Variants in GBP2 observed in about 807,000 individuals in gnomAD.
GBP2 encodes guanylate-binding protein 2.
A neutral mutation model predicts 60.8 loss-of-function variants in GBP2; 54 were observed. That is an observed-to-expected ratio of 0.89 (90% CI 0.71 to 1.11). The LOEUF (loss-of-function observed/expected upper bound fraction) is 1.11. GBP2 is among the 50% of genes most tolerant of loss of function. The probability of loss-of-function intolerance (pLI) is 0.00; values close to 1 mark genes in which losing one functional copy is unlikely to be tolerated. For synonymous variants in GBP2, 243 were observed against 256.5 expected (o/e 0.95, Z 0.50); for missense variants, 665 against 703.3 (o/e 0.95, Z 0.62).
Position 89,121,868 on chromosome 1 carries a change from T to G in GBP2, c.99A>C (p.Ala33=). The change falls in exon 2 of 11, where the codon GCA becomes GCC. Residue 33 remains alanine (A), a synonymous_variant. Transcript: ENST00000370466. ...CCACCACCACCACAGGCTGCGTAAT[T>G]GCAGATAGGATCTTCAGAGCTTCTG... The part of the protein sequence containing the change: ...VNPEALKILS[A]ITQPVVVVAI... 3 of 1,614,118 alleles carry G rather than the reference T, an allele frequency of 1.9e-6. No homozygotes were observed. In the South Asian group the frequency reaches 3.3e-5, roughly 18 times the overall value.
At position 89,106,471 on chromosome 1, in the gene GBP2, G is replaced by A. The variant is rs1316708496; in HGVS notation, c.*1704C>T. ...TGTTAAAAACTAAGAATAACTTAAAGAATATTAACAAAGTGCATGACATGA... is the reference window on the plus strand; with the variant it reads ...TGTTAAAAACTAAGAATAACTTAAAAAATATTAACAAAGTGCATGACATGA... On this transcript the variant is annotated 3_prime_UTR_variant, in exon 11 of 11. Transcript: ENST00000370466. The A allele has an allele frequency of 6.6e-6, 1 of 152,098 alleles. No homozygotes were observed. Among genetic ancestry groups the A allele is most frequent in the Non-Finnish European group, 1.5e-5 (1 of 68,006 alleles). The allele number at this position is 152,098 out of a possible 1,614,324, so 9.4% of individuals were successfully genotyped here.
At position 89,120,201 on chromosome 1, in the gene GBP2, G is replaced by A; in HGVS notation, c.406C>T (p.Gln136Ter). The A allele has an allele frequency of 6.2e-7, 1 of 1,613,938 alleles. No individual in the cohort carries two copies. The highest frequency in any genetic ancestry group is 8.5e-7 in the Non-Finnish European group (1 of 1,179,806). Reference sequence around the variant, plus strand: ...TACTGAAGTTGGTCCATGGCCTGCTGGTTGATGGTTCCCATGCTATTGTAC... The same window carrying A: ...TACTGAAGTTGGTCCATGGCCTGCTAGTTGATGGTTCCCATGCTATTGTAC... ...FVYNSMGTIN[Q>*]QAMDQLHYVT... is the part of the protein sequence containing the mutation. Residue 136 changes from glutamine (Q) to a stop codon, truncating the protein, a stop_gained, in exon 4 of 11, where the codon CAG becomes TAG. Coordinates refer to ENST00000370466, the MANE Select transcript of GBP2 (RefSeq NM_004120.5). LOFTEE classifies it high-confidence loss of function.
At chr1:89,108,427 A>G (rs1681096938) in intron 10 of GBP2, 136 bp from the exon 11 acceptor site, 1 of 491,262 alleles carries the variant, frequency 2.0e-6, no homozygotes, top group Non-Finnish European at 3.6e-6. Flanking sequence ...ACCTGCCAAT[A>G]ATTTTTCTAT....
Position 89,117,213 on chromosome 1 carries a change from C to G in GBP2, c.647G>C (p.Ser216Thr), listed in dbSNP as rs1357673859. The stretch of plus-strand genomic sequence containing the variant: ...GATGCACAACCGAGGATCATTAAAG[C>G]TTTTACTTTTCTTATCAGTACCTAC... ...LRKGTDKKSKSFNDPRLCIRK... is the reference protein window; with the variant it reads ...LRKGTDKKSKTFNDPRLCIRK... The change falls in exon 6 of 11, where the codon AGC becomes ACC. Residue 216 changes from serine (S) to threonine (T), a missense_variant. By Grantham distance (58) the Ser-to-Thr change is moderately conservative. Transcript: ENST00000370466. 1 of 1,613,762 alleles carries G rather than the reference C, an allele frequency of 6.2e-7. No individual in the cohort carries two copies. Among genetic ancestry groups the G allele is most frequent in the Non-Finnish European group, 8.5e-7 (1 of 1,179,718 alleles).
chr1:89,115,721 C>G (rs929569595), intron 6 of GBP2, among the ~76,000 whole-genome samples: 1 of 152,212 alleles, frequency 6.6e-6, no homozygotes, highest in South Asian at 2.1e-4. Context: ...CTGCCTCAGC[C>G]TCCTGAGTAG....
At position 89,117,052 on chromosome 1, in the gene GBP2, A is replaced by T; in HGVS notation, c.808T>A (p.Tyr270Asn). 2 of 1,614,078 alleles carry T rather than the reference A, an allele frequency of 1.2e-6. No individual in the cohort carries two copies. Residue 270 changes from tyrosine to asparagine, a missense_variant, in exon 6 of 11, where the codon TAC becomes AAC. Physicochemically the swap from Tyr to Asn is moderately radical, Grantham distance 143 (BLOSUM62 -2). Transcript: ENST00000370466. Reference sequence around the variant, plus strand: ...TTGACATTGGAATGGCTGAGGATGTAGGAACAAAATTCTGCAACTTGTTCT... The same window carrying T: ...TTGACATTGGAATGGCTGAGGATGTTGGAACAAAATTCTGCAACTTGTTCT... ...FIEQVAEFCS[Y>N]ILSHSNVKTL...
At chr1:89,120,341 C>G (rs1681373527) in intron 3 of GBP2, 53 bp from the exon 4 acceptor site, 5 of 1,390,598 alleles carry the variant, frequency 3.6e-6, no homozygotes, top group Non-Finnish European at 5.1e-6. Context: ...AATGTACAAT[C>G]AATTCAGATA....
At chr1:89,121,333 T>C (rs536221098) in intron 2 of GBP2, 63 bp from the exon 3 acceptor site, 4 of 1,400,938 alleles carry the variant, frequency 2.9e-6, no homozygotes, top group Admixed American at 2.3e-5. Flanking sequence ...GAAATTGAGA[T>C]AAAAGTTAAC....
rs1445981418 is a variant in GBP2 at position 89,121,853 on chromosome 1, C to T, written c.114G>A (p.Val38=). 1.9e-6 allele frequency: 3 copies of T among 1,613,998 alleles called. No individual in the cohort carries two copies. The highest frequency in any genetic ancestry group is 2.5e-6 in the Non-Finnish European group (3 of 1,180,000). The stretch of plus-strand genomic sequence containing the variant: ...AGAGGCCCACAATCGCCACCACCAC[C>T]ACAGGCTGCGTAATTGCAGATAGGA... The part of the protein sequence containing the change: ...LKILSAITQP[V]VVVAIVGLYR... Residue 38 remains valine (V), a synonymous_variant, in exon 2 of 11, where the codon GTG becomes GTA. Coordinates refer to ENST00000370466, the MANE Select transcript of GBP2 (RefSeq NM_004120.5).
intron 1 of GBP2, among the ~76,000 whole-genome samples, chr1:89,123,833 C>T (rs1012350670): frequency 2.6e-5 from 4 of 152,148 alleles, no homozygotes; most frequent in Non-Finnish European, 2.9e-5. Context: ...TGTCACTTTC[C>T]CTTCATCTTG....
Position 89,121,969 on chromosome 1 carries a change from C to A in GBP2, c.-3G>T. 6.2e-7 allele frequency: 1 copy of A among 1,609,268 alleles called. No homozygotes were observed. The highest frequency in any genetic ancestry group is 8.5e-7 in the Non-Finnish European group (1 of 1,177,108). On this transcript the variant is annotated 5_prime_UTR_variant, in exon 2 of 11. Transcript: ENST00000370466. ...GGCAAGTTGATCTCTGGAGCCATGTCCAGGGTGTTGTTCCCTTGTGTGCAA... is the reference window on the plus strand; with the variant it reads ...GGCAAGTTGATCTCTGGAGCCATGTACAGGGTGTTGTTCCCTTGTGTGCAA...
chr1:89,116,216 T>C (rs1681269099), intron 6 of GBP2, among the ~76,000 whole-genome samples: 1 of 152,068 alleles, frequency 6.6e-6, no homozygotes, highest in Non-Finnish European at 1.5e-5. Flanking sequence ...TTTCCCCATG[T>C]TGCCCAGGCT....
Position 89,117,200 on chromosome 1 carries a change from A to G in GBP2, c.660T>C (p.Pro220=). ...TDKKSKSFND[P]RLCIRKFFPK... ...GGAAGAACTTTCGGATGCACAACCGAGGATCATTAAAGCTTTTACTTTTCT... is the reference window on the plus strand; with the variant it reads ...GGAAGAACTTTCGGATGCACAACCGGGGATCATTAAAGCTTTTACTTTTCT... Residue 220 remains proline, a synonymous_variant, in exon 6 of 11, where the codon CCT becomes CCC. Transcript: ENST00000370466. The G allele has an allele frequency of 6.2e-7, 1 of 1,614,052 alleles. No individual in the cohort carries two copies. Among genetic ancestry groups the G allele is most frequent in the African/African-American group, 1.3e-5 (1 of 75,066 alleles).
Position 89,121,932 on chromosome 1 carries a change from C to T in GBP2, c.35G>A (p.Ser12Asn). 6.2e-7 allele frequency: 1 copy of T among 1,613,580 alleles called. No homozygotes were observed. The highest frequency in any genetic ancestry group is 8.5e-7 in the Non-Finnish European group (1 of 1,179,702). The change falls in exon 2 of 11, where the codon AGC (serine) becomes AAC (asparagine). Residue 12 changes from serine (S) to asparagine (N), a missense_variant. Coordinates refer to ENST00000370466, the MANE Select transcript of GBP2 (RefSeq NM_004120.5). ...APEINLPGPMSLIDNTKGQLV... is the reference protein window; with the variant it reads ...APEINLPGPMNLIDNTKGQLV... ...CTGCCCTTTAGTGTTATCAATGAGG[C>T]TCATTGGGCCCGGCAAGTTGATCTC...
chr1:89,122,845 A>C (rs747810609), intron 1 of GBP2, among the ~76,000 whole-genome samples: 9 of 152,204 alleles, frequency 5.9e-5, no homozygotes, highest in Non-Finnish European at 1.0e-4. Flanking sequence ...ACTTACTGTG[A>C]TGTTTGACTA....
Position 89,107,759 on chromosome 1 carries a change from C to T in GBP2, c.*416G>A, listed in dbSNP as rs1681083227. Among the ~76,000 whole-genome samples the T allele has an allele frequency of 6.6e-6, 1 of 152,172 alleles. No individual in the cohort carries two copies. The highest frequency in any genetic ancestry group is 1.5e-5 in the Non-Finnish European group (1 of 68,034). ...ATATTCACAACACTTCAGCCCTATG[C>T]TACGACCATAGTTAAATCCCTGAAT... On this transcript the variant is annotated 3_prime_UTR_variant, in exon 11 of 11. Transcript: ENST00000370466.
intron 3 of GBP2, among the ~76,000 whole-genome samples, 160 bp downstream of exon 3, chr1:89,120,983 T>C (rs1388784981): frequency 6.6e-6 from 1 of 152,182 alleles, no homozygotes; most frequent in Non-Finnish European, 1.5e-5. Context: ...TCTGAATGCT[T>C]ATACCACACA....
At chr1:89,110,085 T>C in intron 9 of GBP2, 79 bp downstream of exon 9, 1 of 1,081,212 alleles carries the variant, frequency 9.2e-7, no homozygotes, top group Non-Finnish European at 1.4e-6. Flanking sequence ...TCTACAATAA[T>C]AATTCCAGGT....
Position 89,121,018 on chromosome 1 carries a change from A to G in GBP2, c.318+125T>C, listed in dbSNP as rs189088237. On this transcript the variant is annotated intron_variant, in intron 3 of 10. Transcript: ENST00000370466. ...AAATTTTAAGAAATAATATATTAAT[A>G]TAATTAACTAGAGCCCTAAATCAAG... The G allele has an allele frequency of 1.4e-3, 603 of 434,582 alleles. 7 individuals carry two copies. The highest frequency in any genetic ancestry group is 0.012 in the African/African-American group (553 of 47,892). The allele number at this position is 434,582 out of a possible 1,614,324, so 26.9% of individuals were successfully genotyped here.
Sources: allele counts gnomAD v4.1 joint callset (sites outside exome capture counted in the v4.1 genomes callset), GRCh38; gene constraint gnomAD v4.1.1; transcripts MANE v1.5; gene names NCBI Gene and HGNC (gene_info 2026-07-23, HGNC 2026-07-21).